Variants in ANKRD28 observed in about 807,000 individuals in gnomAD.
The protein encoded by ANKRD28 is serine/threonine-protein phosphatase 6 regulatory ankyrin repeat subunit A.
A neutral mutation model predicts 126.5 loss-of-function variants in ANKRD28; 44 were observed. The ratio of observed to expected loss-of-function variants is 0.35; its 90% CI spans 0.27 to 0.45. The LOEUF (loss-of-function observed/expected upper bound fraction) is 0.45. Ranked by LOEUF, ANKRD28 falls within the 20% of genes least tolerant of loss-of-function variation. The pLI, the probability that ANKRD28 is intolerant of heterozygous loss-of-function variation, is 1.00. For missense variants in ANKRD28, 1,110 were observed against 1,316.6 expected (o/e 0.84, Z 2.43); for synonymous variants, 442 against 468.5 (o/e 0.94, Z 0.73).
intron 10 of ANKRD28, among the ~76,000 whole-genome samples, chr3:15,712,665 A>G (rs2072470535): frequency 6.6e-6 from 1 of 152,264 alleles, no homozygotes; most frequent in Non-Finnish European, 1.5e-5. Context: ...ATGTTCAAGA[A>G]TATTTATTGT....
At chr3:15,780,775 T>C (rs2059502694) in intron 2 of ANKRD28, among the ~76,000 whole-genome samples, 1 of 152,164 alleles carries the variant, frequency 6.6e-6, no homozygotes, top group African/African-American at 2.4e-5. Flanking sequence ...CACTCATTTA[T>C]GGTCACTTGA....
intron 2 of ANKRD28, among the ~76,000 whole-genome samples, chr3:15,793,189 A>G (rs2125798818): frequency 6.6e-6 from 1 of 152,354 alleles, no homozygotes; most frequent in East Asian, 1.9e-4. Flanking sequence ...ATTAAAAGTC[A>G]GTGCATTTAA....
In ANKRD28 at chr3:15,692,797, C is replaced by T. The variant is rs543162190; in HGVS notation, c.1761+1942G>A. Among the ~76,000 whole-genome samples, 4 of 152,310 alleles carry T rather than the reference C, an allele frequency of 2.6e-5. No homozygotes were observed. The South Asian group carries it at 8.3e-4, about 32-fold the overall frequency. On this transcript the variant is annotated intron_variant, in intron 17 of 27. Coordinates refer to ENST00000683139, the MANE Select transcript of ANKRD28 (RefSeq NM_001349278.2). ...ATTATTTCAATTTTTAGTTTAAAAACACTATTTAGTATACCTATGGCATAG... is the reference window on the plus strand; with the variant it reads ...ATTATTTCAATTTTTAGTTTAAAAATACTATTTAGTATACCTATGGCATAG...
chr3:15,795,446 C>A, intron 1 of ANKRD28, 140 bp from the exon 2 acceptor site: 2 of 520,160 alleles, frequency 3.8e-6, no homozygotes. Context: ...TTTCATAAAA[C>A]CAAATCATGT....
intron 27 of ANKRD28, among the ~76,000 whole-genome samples, chr3:15,671,195 G>A (rs2066299197): frequency 6.6e-6 from 1 of 152,130 alleles, no homozygotes; most frequent in South Asian, 2.1e-4. Context: ...TATTTCCTTT[G>A]TAAATATTCC....
At chr3:15,708,968 T>C (rs1415474515) in intron 13 of ANKRD28, among the ~76,000 whole-genome samples, 1 of 152,218 alleles carries the variant, frequency 6.6e-6, no homozygotes, top group Admixed American at 6.5e-5. Flanking sequence ...CTGTCATCTC[T>C]TTCAAACCAA....
Position 15,797,107 on chromosome 3 carries a change from C to A in ANKRD28, c.-586G>T. 2.0e-6 allele frequency: 2 copies of A among 982,342 alleles called. No individual in the cohort carries two copies. Among genetic ancestry groups the A allele is most frequent in the Non-Finnish European group, 2.4e-6 (2 of 829,262 alleles). 60.9% of individuals were successfully genotyped at this position (982,342 alleles called of 1,614,324 possible). A position where few individuals can be genotyped will look rare whatever the true frequency, so the allele number is the denominator to read the frequency against. Reference sequence around the variant, plus strand: ...CTTCATCACTGGTTTAATGCAGATACTATTCACAGAAAAAAGATCTAGAGC... The same window carrying A: ...CTTCATCACTGGTTTAATGCAGATAATATTCACAGAAAAAAGATCTAGAGC... On this transcript the variant is annotated 5_prime_UTR_variant, in exon 1 of 28. Coordinates refer to ENST00000683139, the MANE Select transcript of ANKRD28 (RefSeq NM_001349278.2).
At chr3:15,778,344 TG>T (rs2059391262) in intron 2 of ANKRD28, among the ~76,000 whole-genome samples, 1 of 152,212 alleles carries the variant, frequency 6.6e-6, no homozygotes, top group Admixed American at 6.5e-5. Flanking sequence ...ATGGTGTGAC[TG>T]GGTTCTCTGC....
Position 15,796,543 on chromosome 3 carries a change from T to C in ANKRD28, c.-22A>G. ...TCATTCGATCTTTTAAAACACTAAA[T>C]TCCAAGCTATGTGATAAAAGTCACA... On this transcript the variant is annotated 5_prime_UTR_variant, in exon 1 of 28. Coordinates refer to ENST00000683139, the MANE Select transcript of ANKRD28 (RefSeq NM_001349278.2). 7.9e-7 allele frequency: 1 copy of C among 1,270,366 alleles called. No individual in the cohort carries two copies. The highest frequency in any genetic ancestry group is 1.0e-6 in the Non-Finnish European group (1 of 977,038). 78.7% of individuals were successfully genotyped at this position (1,270,366 alleles called of 1,614,324 possible).
chr3:15,841,912 T>C (rs889326299), intron 1 of ANKRD28, among the ~76,000 whole-genome samples: 2 of 151,956 alleles, frequency 1.3e-5, no homozygotes, highest in African/African-American at 4.8e-5. Context: ...TACCATATGA[T>C]CCAGTAATCC....
At chr3:15,710,932 G>T (rs192494002) in intron 12 of ANKRD28, among the ~76,000 whole-genome samples, 2 of 152,040 alleles carry the variant, frequency 1.3e-5, no homozygotes, top group African/African-American at 4.8e-5. Flanking sequence ...ACTTTTTAAA[G>T]AAATAGTTTT....
In ANKRD28 at chr3:15,729,902, A is replaced by C. The variant is rs138123297; in HGVS notation, c.641-5378T>G. Among the ~76,000 whole-genome samples, 557 of 152,338 alleles carry C rather than the reference A, an allele frequency of 3.7e-3. 7 individuals carry two copies. Among genetic ancestry groups the C allele is most frequent in the Admixed American group, 5.9e-3 (90 of 15,304 alleles). On this transcript the variant is annotated intron_variant, in intron 6 of 27. Transcript: ENST00000683139. ...GTAATTTTTAAAAATCAATTAAAAA[A>C]TTTTTGAGACGGTTTTGGCTCTGTC...
chr3:15,794,663 G>A (rs1224811730), intron 2 of ANKRD28, among the ~76,000 whole-genome samples: 1 of 152,072 alleles, frequency 6.6e-6, no homozygotes, highest in East Asian at 1.9e-4. Flanking sequence ...ATATACTACT[G>A]TATCGTTAAG....
intron 1 of ANKRD28, among the ~76,000 whole-genome samples, chr3:15,809,639 C>T (rs779679741): frequency 2.0e-5 from 3 of 152,190 alleles, no homozygotes; most frequent in Non-Finnish European, 4.4e-5. Flanking sequence ...AACCCACTGT[C>T]ACCAAGTCCT....
chr3:15,795,340 T>A, intron 1 of ANKRD28, 34 bp from the exon 2 acceptor site: 32 of 1,415,360 alleles, frequency 2.3e-5, no homozygotes, highest in Non-Finnish European at 3.2e-5. Flanking sequence ...AACATTAGAA[T>A]CATCCATGTG....
In ANKRD28 at chr3:15,670,141, T is replaced by G. The variant is rs185205873; in HGVS notation, c.*129A>C. ...AACTCTTCCTCCTAATGCCATCAGATCTCTTAACATTGGCTCACTGTGGGA... is the reference window on the plus strand; with the variant it reads ...AACTCTTCCTCCTAATGCCATCAGAGCTCTTAACATTGGCTCACTGTGGGA... On this transcript the variant is annotated 3_prime_UTR_variant, in exon 28 of 28. Coordinates refer to ENST00000683139, the MANE Select transcript of ANKRD28 (RefSeq NM_001349278.2). The G allele has an allele frequency of 2.9e-6, 3 of 1,032,252 alleles. No homozygotes were observed. 63.9% of individuals were successfully genotyped at this position (1,032,252 alleles called of 1,614,324 possible). A position where few individuals can be genotyped will look rare whatever the true frequency, so the allele number is the denominator to read the frequency against.
intron 1 of ANKRD28, among the ~76,000 whole-genome samples, chr3:15,827,815 G>A (rs1225792188): frequency 2.6e-5 from 4 of 152,160 alleles, no homozygotes; most frequent in East Asian, 1.9e-4. Context: ...CAGAGAACAG[G>A]AGAAAATATT....
At chr3:15,794,990 C>A (rs1041594143) in intron 2 of ANKRD28, among the ~76,000 whole-genome samples, 6 of 151,886 alleles carry the variant, frequency 4.0e-5, no homozygotes, top group Non-Finnish European at 8.8e-5. Context: ...TTTTAACTTC[C>A]CTATGTTTGA....
At chr3:15,806,121 G>C (rs554595710) in intron 1 of ANKRD28, among the ~76,000 whole-genome samples, 2 of 152,166 alleles carry the variant, frequency 1.3e-5, no homozygotes, top group Non-Finnish European at 2.9e-5. Flanking sequence ...AAAGAAGGAA[G>C]GTATGTTTGT....
Sources: allele counts gnomAD v4.1 joint callset (sites outside exome capture counted in the v4.1 genomes callset), GRCh38; gene constraint gnomAD v4.1.1; transcripts MANE v1.5; gene names NCBI Gene and HGNC (gene_info 2026-07-23, HGNC 2026-07-21).